Variants in CDH8 observed in about 807,000 individuals in gnomAD.
The protein encoded by CDH8 is cadherin-8.
In CDH8, 17 loss-of-function variants were observed where a neutral mutation model predicts 68.1. The ratio of observed to expected loss-of-function variants is 0.25; its 90% CI spans 0.17 to 0.37. CDH8 has a LOEUF of 0.37. Ranked by LOEUF, CDH8 falls within the 10% of genes least tolerant of loss-of-function variation. The probability of loss-of-function intolerance (pLI) is 1.00; values close to 1 mark genes in which losing one functional copy is unlikely to be tolerated. For missense variants in CDH8, 763 were observed against 999.3 expected, an observed-to-expected ratio of 0.76 and a Z score of 3.19; for synonymous variants, 372 against 365.1, an observed-to-expected ratio of 1.02 and a Z score of -0.21.
chr16:61,762,577 T>C (rs1345261434), intron 8 of CDH8, among the ~76,000 whole-genome samples: 1 of 152,066 alleles, frequency 6.6e-6, no homozygotes, highest in African/African-American at 2.4e-5. Context: ...TGCTTAGATA[T>C]TCGTGAAAAA....
intron 5 of CDH8, among the ~76,000 whole-genome samples, chr16:61,824,488 G>C (rs1415970311): frequency 6.6e-6 from 1 of 151,832 alleles, no homozygotes; most frequent in Non-Finnish European, 1.5e-5. Flanking sequence ...TTTCATGTTG[G>C]CTGCCTAGAA....
At chr16:61,992,518 C>T (rs1172848680) in intron 2 of CDH8, among the ~76,000 whole-genome samples, 1 of 150,966 alleles carries the variant, frequency 6.6e-6, no homozygotes, top group Admixed American at 6.6e-5. Flanking sequence ...GTGCAGCACA[C>T]CAGCATGGCA....
intron 8 of CDH8, among the ~76,000 whole-genome samples, chr16:61,770,169 G>C (rs543905079): frequency 3.3e-5 from 5 of 151,946 alleles, no homozygotes; most frequent in African/African-American, 9.6e-5. Context: ...ATTGTTATGA[G>C]GATTGAATGA....
intron 4 of CDH8, among the ~76,000 whole-genome samples, chr16:61,852,023 A>G (rs1962948223): frequency 6.6e-6 from 1 of 152,088 alleles, no homozygotes; most frequent in Non-Finnish European, 1.5e-5. Context: ...TCATCAGTAA[A>G]AGTGAGATGA....
intron 8 of CDH8, among the ~76,000 whole-genome samples, chr16:61,733,490 G>C (rs1288654386): frequency 6.6e-6 from 1 of 151,676 alleles, no homozygotes; most frequent in South Asian, 2.1e-4. Context: ...AATATATTGT[G>C]CTTCATCAAA....
intron 9 of CDH8, among the ~76,000 whole-genome samples, chr16:61,715,471 G>A (rs1362868770): frequency 6.6e-6 from 1 of 151,486 alleles, no homozygotes; most frequent in East Asian, 1.9e-4. Context: ...GGTGTGTTTT[G>A]ATTATGGATT....
chr16:61,810,714 G>T (rs1174650607), intron 7 of CDH8, among the ~76,000 whole-genome samples: 1 of 151,988 alleles, frequency 6.6e-6, no homozygotes, highest in Non-Finnish European at 1.5e-5. Context: ...CATTTTCAGA[G>T]AGCATGTATA....
rs560262383 is a variant in CDH8 at position 61,901,031 on chromosome 16, A to G, written c.547+148T>C. On this transcript the variant is annotated intron_variant, in intron 3 of 11. Coordinates refer to ENST00000577390, the MANE Select transcript of CDH8 (RefSeq NM_001796.5). The stretch of plus-strand genomic sequence containing the variant: ...AGGGACTAAAGCTACTGAGCTGTGG[A>G]ACTTAGGCCAAAAAGGGGGATTTGG... 5.1e-5 allele frequency: 35 copies of G among 684,888 alleles called. No individual in the cohort carries two copies. The African/African-American group carries it at 5.6e-4, about 11-fold the overall frequency. The allele number at this position is 684,888 out of a possible 1,614,324, so 42.4% of individuals were successfully genotyped here. A position where few individuals can be genotyped will look rare whatever the true frequency, so the allele number is the denominator to read the frequency against.
intron 8 of CDH8, among the ~76,000 whole-genome samples, chr16:61,759,475 G>A (rs1379033800): frequency 6.6e-6 from 1 of 151,916 alleles, no homozygotes; most frequent in Non-Finnish European, 1.5e-5. Flanking sequence ...GGGAGGATGG[G>A]AACAGAACCA....
At chr16:62,009,037 A>C (rs906728821) in intron 2 of CDH8, among the ~76,000 whole-genome samples, 2 of 152,000 alleles carry the variant, frequency 1.3e-5, no homozygotes, top group African/African-American at 4.8e-5. Context: ...CACACAAAAA[A>C]AAAAAAAAGC....
rs1230392312 is a variant in CDH8 at position 61,960,383 on chromosome 16, GTGTGTA to G, written c.253-58916_253-58911del. 9.0e-5 allele frequency among the ~76,000 whole-genome samples: 12 copies of G among 132,792 alleles called. 3 individuals carry two copies. Among genetic ancestry groups the G allele is most frequent in the African/African-American group, 4.0e-4 (12 of 30,208 alleles). 87.1% of individuals were successfully genotyped at this position (132,792 alleles called of 152,430 possible). ...TATACACATACATATATACATGTGTGTGTGTATACACATACATATATACATATATGT... is the reference window on the plus strand; with the variant it reads ...TATACACATACATATATACATGTGTGTACACATACATATATACATATATGT... On this transcript the variant is annotated intron_variant, in intron 2 of 11. Coordinates refer to ENST00000577390, the MANE Select transcript of CDH8 (RefSeq NM_001796.5).
At chr16:61,675,904 AG>A (rs1239579487) in intron 10 of CDH8, among the ~76,000 whole-genome samples, 6 of 151,358 alleles carry the variant, frequency 4.0e-5, no homozygotes, top group Non-Finnish European at 8.9e-5. Flanking sequence ...ATAATAAAAG[AG>A]CTATTACTAA....
At chr16:61,922,643 A>G (rs1407142548) in intron 2 of CDH8, among the ~76,000 whole-genome samples, 3 of 152,144 alleles carry the variant, frequency 2.0e-5, no homozygotes, top group Admixed American at 6.5e-5. Context: ...AGGGACTTGA[A>G]TTTTCATAAC....
intron 10 of CDH8, among the ~76,000 whole-genome samples, chr16:61,657,957 A>G (rs1265296115): frequency 6.6e-6 from 1 of 152,114 alleles, no homozygotes; most frequent in Non-Finnish European, 1.5e-5. Context: ...GAATTTGCCT[A>G]TCTTGCTCTC....
rs376944455 is a variant in CDH8 at position 61,949,416 on chromosome 16, G to T, written c.253-47943C>A. ...GCAGGAAGTGGGTGGGGACAAATAA[G>T]AGAATAAAAGCTGGCCACCCCAGCC... On this transcript the variant is annotated intron_variant, in intron 2 of 11. Transcript: ENST00000577390. Among the ~76,000 whole-genome samples, 19 of 152,236 alleles carry T rather than the reference G, an allele frequency of 1.2e-4. No homozygotes were observed. In the South Asian group the frequency reaches 3.7e-3, roughly 30 times the overall value.
At chr16:61,683,597 T>C (rs1964051351) in intron 10 of CDH8, among the ~76,000 whole-genome samples, 1 of 151,998 alleles carries the variant, frequency 6.6e-6, no homozygotes, top group African/African-American at 2.4e-5. Context: ...TCTTTAAAAG[T>C]ATTAAAGGAC....
At chr16:61,905,831 G>A (rs1358451018) in intron 2 of CDH8, among the ~76,000 whole-genome samples, 1 of 151,950 alleles carries the variant, frequency 6.6e-6, no homozygotes, top group Admixed American at 6.6e-5. Context: ...GGAGGTGGAG[G>A]TTGCAGTGAG....
At chr16:61,664,464 G>A (rs1045503744) in intron 10 of CDH8, among the ~76,000 whole-genome samples, 1 of 151,884 alleles carries the variant, frequency 6.6e-6, no homozygotes, top group African/African-American at 2.4e-5. Flanking sequence ...GCTATATTTT[G>A]TGGGCTTAAA....
At chr16:61,828,239 T>C (rs1962383898) in intron 4 of CDH8, among the ~76,000 whole-genome samples, 1 of 151,814 alleles carries the variant, frequency 6.6e-6, no homozygotes, top group Non-Finnish European at 1.5e-5. Context: ...AAAGTTACTG[T>C]ATATGGTCTA....
Sources: allele counts gnomAD v4.1 joint callset (sites outside exome capture counted in the v4.1 genomes callset), GRCh38; gene constraint gnomAD v4.1.1; transcripts MANE v1.5; gene names NCBI Gene and HGNC (gene_info 2026-07-23, HGNC 2026-07-21).